The following APC2 variants were observed in gnomAD, a reference collection of about 807,000 sequenced individuals.
The protein encoded by APC2 is APC regulator of Wnt signaling pathway 2.
In APC2, 41 loss-of-function variants were observed where a neutral mutation model predicts 72.5. The observed-to-expected ratio is 0.57, with a 90% CI of 0.44 to 0.73. The LOEUF (loss-of-function observed/expected upper bound fraction) is 0.73, where lower values mean the gene tolerates loss of function less well. APC2 is among the 30% of genes least tolerant of loss of function. APC2 has a pLI of 0.00. For synonymous variants in APC2, 1,898 were observed against 1,612.0 expected, an observed-to-expected ratio of 1.18 and a Z score of -4.25; for missense variants, 3,729 against 3,403.4, an observed-to-expected ratio of 1.10 and a Z score of -2.38.
rs1267833385 is a variant in APC2, at chr19:1,466,262, C to T, written c.2961C>T (p.Asp987=). 1.1e-5 allele frequency: 17 copies of T among 1,526,112 alleles called. No individual in the cohort carries two copies. Among genetic ancestry groups the T allele is most frequent in the Admixed American group, 6.2e-5 (3 of 48,346 alleles). 94.5% of individuals were successfully genotyped at this position (1,526,112 alleles called of 1,614,324 possible). A position where few individuals can be genotyped will look rare whatever the true frequency, so the allele number is the denominator to read the frequency against. Residue 987 remains aspartate, a synonymous_variant, in exon 15 of 15, where the codon GAC becomes GAT. Transcript: ENST00000590469. ...EPPAREATSA[D]ARVRTIKLSP... is the part of the protein sequence containing the mutation. ...CGGCCCGCGAGGCCACCTCCGCCGA[C>T]GCCCGCGTGCGCACCATCAAGCTGT...
At position 1,468,964 on chromosome 19, in the gene APC2, G is replaced by T; in HGVS notation, c.5663G>T (p.Arg1888Ile). 6.4e-7 allele frequency: 1 copy of T among 1,556,726 alleles called. No individual in the cohort carries two copies. ...TCGCCCGCCTCCCAGCCCCTGCCCAGAAAGCGCCCCCCGGTCACCCAGGCT... is the reference window on the plus strand; with the variant it reads ...TCGCCCGCCTCCCAGCCCCTGCCCATAAAGCGCCCCCCGGTCACCCAGGCT... ...QTSPASQPLP[R>I]KRPPVTQAAG... Residue 1888 changes from arginine (R) to isoleucine (I), a missense_variant, in exon 15 of 15, where the codon AGA becomes ATA. Physicochemically the swap from Arg to Ile is moderately conservative, Grantham distance 97. Coordinates refer to ENST00000590469, the MANE Select transcript of APC2 (RefSeq NM_005883.3).
chr19:1,467,673 G>T lies in APC2; in HGVS notation c.4372G>T (p.Ala1458Ser). The T allele has an allele frequency of 6.8e-7, 1 of 1,478,472 alleles. No individual in the cohort carries two copies. Among genetic ancestry groups the T allele is most frequent in the African/African-American group, 1.5e-5 (1 of 68,300 alleles). The allele number at this position is 1,478,472 out of a possible 1,614,324, so 91.6% of individuals were successfully genotyped here. The change falls in exon 15 of 15, where the codon GCG (alanine) becomes TCG (serine). Residue 1458 changes from alanine to serine, a missense_variant. Transcript: ENST00000590469. ...AGRSAEQSRG[A>S]GKNRAGLELP... is the part of the protein sequence containing the mutation. ...CCGCAGCGCGGAGCAGTCTCGGGGC[G>T]CGGGCAAGAACAGAGCAGGGCTGGA...
Position 1,455,218 on chromosome 19 carries a change from C to T in APC2, c.483C>T (p.Gly161=), listed in dbSNP as rs140079855. The part of the protein sequence containing the change: ...EKLWYYSQLQ[G]LSKRLDELPH... ...TCTGGTACTACTCTCAGCTGCAGGG[C>T]CTGTCCAAGCGCCTGGACGAGCTGC... The change falls in exon 5 of 15, where the codon GGC becomes GGT. Residue 161 remains glycine (G), a synonymous_variant. Coordinates refer to ENST00000590469, the MANE Select transcript of APC2 (RefSeq NM_005883.3). 360 of 1,582,950 alleles carry T rather than the reference C, an allele frequency of 2.3e-4. 1 individual carries two copies. The highest frequency in any genetic ancestry group is 1.2e-4 in the Non-Finnish European group (135 of 1,171,336).
chr19:1,454,998 T>G, intron 4 of APC2, 151 bp from the exon 5 acceptor site: 2 of 107,752 alleles, frequency 1.9e-5, no homozygotes, highest in Non-Finnish European at 3.8e-5. Flanking sequence ...CCCCCCCCCC[T>G]TACCCTAGCT....
chr19:1,470,406 G>C lies in APC2; in HGVS notation c.*193G>C. ...CACCGGAAGACCTTGCCTCTGTGCC[G>C]CGGAGGTCCAGGAGGAAACGGGGCG... On this transcript the variant is annotated 3_prime_UTR_variant, in exon 15 of 15. Transcript: ENST00000590469. 1.2e-6 allele frequency: 1 copy of C among 835,676 alleles called. No individual in the cohort carries two copies. The highest frequency in any genetic ancestry group is 1.7e-6 in the Non-Finnish European group (1 of 577,270). The allele number at this position is 835,676 out of a possible 1,614,324, so 51.8% of individuals were successfully genotyped here.
At chr19:1,457,511 G>A in intron 9 of APC2, 1 of 553,222 alleles carries the variant, frequency 1.8e-6, no homozygotes, top group Non-Finnish European at 3.1e-6. Context: ...TGCAGACTTT[G>A]AGATTCTTTT....
intron 5 of APC2, 27 bp from the exon 6 acceptor site, chr19:1,455,357 C>T: frequency 6.2e-7 from 1 of 1,601,444 alleles, no homozygotes; most frequent in Non-Finnish European, 8.5e-7. Flanking sequence ...CGCCCCTCAC[C>T]GTGGCCCGCC....
intron 1 of APC2, 127 bp downstream of exon 1, chr19:1,450,465 G>C (rs2083730281): frequency 2.6e-6 from 2 of 779,202 alleles, no homozygotes; most frequent in African/African-American, 1.9e-5. Context: ...GTGGGAGCTG[G>C]AGGGGAAACT....
rs1226501888 is a variant in APC2, at chr19:1,467,585, C to G, written c.4284C>G (p.Pro1428=). The change falls in exon 15 of 15, where the codon CCC becomes CCG. Residue 1428 remains proline, a synonymous_variant. Transcript: ENST00000590469. The stretch of plus-strand genomic sequence containing the variant: ...GGGGACCAGCGGGCAGGCAAAGACC[C>G]ACCGGCCGCCCCACCTCTGCCAGAC... ...QPGGPAGRQR[P]TGRPTSARQA... is the part of the protein sequence containing the mutation. 6.6e-7 allele frequency: 1 copy of G among 1,513,170 alleles called. No individual in the cohort carries two copies. The highest frequency in any genetic ancestry group is 1.4e-5 in the African/African-American group (1 of 70,130). 93.7% of individuals were successfully genotyped at this position (1,513,170 alleles called of 1,614,324 possible).
At chr19:1,460,989 G>C (rs2083913718) in intron 12 of APC2, 48 bp from the exon 13 acceptor site, 1 of 1,607,266 alleles carries the variant, frequency 6.2e-7, no homozygotes, top group South Asian at 1.1e-5. Context: ...GGGGGGTTTG[G>C]GGGGCCTGGA....
Position 1,468,179 on chromosome 19 carries a change from G to A in APC2, c.4878G>A (p.Glu1626=), listed in dbSNP as rs767452562. Residue 1626 remains glutamate (E), a synonymous_variant, in exon 15 of 15, where the codon GAG becomes GAA. Coordinates refer to ENST00000590469, the MANE Select transcript of APC2 (RefSeq NM_005883.3). ...GCTCGCCCAGCCCGCGGGCCGCGGA[G>A]GAGCTTCTGCAGCGGTGCATCAGCT... ...RDSSPSPRAA[E]ELLQRCISSA... 13 of 1,452,840 alleles carry A rather than the reference G, an allele frequency of 8.9e-6. No individual in the cohort carries two copies. The highest frequency in any genetic ancestry group is 1.1e-5 in the Non-Finnish European group (12 of 1,111,748). 90.0% of individuals were successfully genotyped at this position (1,452,840 alleles called of 1,614,324 possible).
Position 1,468,052 on chromosome 19 carries a change from G to A in APC2, c.4751G>A (p.Ser1584Asn), listed in dbSNP as rs1281019144. 9 of 1,576,398 alleles carry A rather than the reference G, an allele frequency of 5.7e-6. No individual in the cohort carries two copies. Among genetic ancestry groups the A allele is most frequent in the Non-Finnish European group, 7.7e-6 (9 of 1,170,716 alleles). Residue 1584 changes from serine (S) to asparagine (N), a missense_variant, in exon 15 of 15, where the codon AGC becomes AAC. Physicochemically the swap from Ser to Asn is conservative, Grantham distance 46. Coordinates refer to ENST00000590469, the MANE Select transcript of APC2 (RefSeq NM_005883.3). ...PPCYSLSSSA[S>N]SLSEPEPSEP... Reference sequence around the variant, plus strand: ...TGCTACTCCCTGAGCTCCTCCGCCAGCTCCCTCAGCGAGCCCGAGCCCTCG... The same window carrying A: ...TGCTACTCCCTGAGCTCCTCCGCCAACTCCCTCAGCGAGCCCGAGCCCTCG...
At position 1,468,466 on chromosome 19, in the gene APC2, C is replaced by T; in HGVS notation, c.5165C>T (p.Ser1722Phe). ...TCCGACTCCATCCTGTCCTTCGTAT[C>T]CGGGCTGTCAGTGGGATCCACCCTA... ...SESDSILSFV[S>F]GLSVGSTLQP... Residue 1722 changes from serine to phenylalanine, a missense_variant, in exon 15 of 15, where the codon TCC (serine) becomes TTC (phenylalanine). Ser to Phe is a radical substitution (Grantham distance 155). Coordinates refer to ENST00000590469, the MANE Select transcript of APC2 (RefSeq NM_005883.3). 6.2e-7 allele frequency: 1 copy of T among 1,600,712 alleles called. No homozygotes were observed. Among genetic ancestry groups the T allele is most frequent in the Non-Finnish European group, 8.5e-7 (1 of 1,175,262 alleles).
In APC2 at chr19:1,468,164, C is replaced by A. The variant is rs2145250623; in HGVS notation, c.4863C>A (p.Ser1621Arg). ...GPGGGRDSSP[S>R]PRAAEELLQR... ...GAGGCGGACGCGACAGCTCGCCCAGCCCGCGGGCCGCGGAGGAGCTTCTGC... is the reference window on the plus strand; with the variant it reads ...GAGGCGGACGCGACAGCTCGCCCAGACCGCGGGCCGCGGAGGAGCTTCTGC... Residue 1621 changes from serine (S) to arginine (R), a missense_variant, in exon 15 of 15, where the codon AGC (serine) becomes AGA (arginine). Coordinates refer to ENST00000590469, the MANE Select transcript of APC2 (RefSeq NM_005883.3). The A allele has an allele frequency of 1.4e-6, 2 of 1,457,340 alleles. No homozygotes were observed. Among genetic ancestry groups the A allele is most frequent in the African/African-American group, 1.5e-5 (1 of 67,300 alleles). 90.3% of individuals were successfully genotyped at this position (1,457,340 alleles called of 1,614,324 possible).
rs776326309 is a variant in APC2, at chr19:1,467,017, G to T, written c.3716G>T (p.Arg1239Leu). ...CTGCAGTGGGAGAGCTACGTGAAGC[G>T]CTTCCTGGACATCGCCGACTGCCGG... ...FSLQWESYVK[R>L]FLDIADCRER... is the part of the protein sequence containing the mutation. The change falls in exon 15 of 15, where the codon CGC (arginine) becomes CTC (leucine). Residue 1239 changes from arginine to leucine, a missense_variant. Transcript: ENST00000590469. 9 of 1,610,724 alleles carry T rather than the reference G, an allele frequency of 5.6e-6. No individual in the cohort carries two copies. The highest frequency in any genetic ancestry group is 5.9e-6 in the Non-Finnish European group (7 of 1,179,228).
intron 14 of APC2, among the ~76,000 whole-genome samples, chr19:1,462,655 C>CAAAAA (rs34103912): frequency 0.04 from 1,004 of 24,916 alleles, 129 homozygotes; most frequent in African/African-American, 0.11. Flanking sequence ...AACTTCATCT[C>CAAAAA]AAAAAAAAAA....
intron 10 of APC2, among the ~76,000 whole-genome samples, chr19:1,459,171 AG>A (rs1334305751): frequency 1.3e-5 from 2 of 152,126 alleles, no homozygotes; most frequent in Non-Finnish European, 2.9e-5. Flanking sequence ...GACATCCTCA[AG>A]GTGCACCTAC....
rs2083725537 is a variant in APC2, at chr19:1,450,121, G to T, written c.-236G>T. 1.9e-5 allele frequency: 19 copies of T among 984,598 alleles called. No individual in the cohort carries two copies. The highest frequency in any genetic ancestry group is 2.3e-5 in the Non-Finnish European group (19 of 829,280). The allele number at this position is 984,598 out of a possible 1,614,324, so 61.0% of individuals were successfully genotyped here. A position where few individuals can be genotyped will look rare whatever the true frequency, so the allele number is the denominator to read the frequency against. On this transcript the variant is annotated 5_prime_UTR_variant, in exon 1 of 15. Transcript: ENST00000590469. ...CCTCATCCCGCATCCTCCCCCGCTCGCGGTGGTCTCGCCCAGCGCTAGGAG... is the reference window on the plus strand; with the variant it reads ...CCTCATCCCGCATCCTCCCCCGCTCTCGGTGGTCTCGCCCAGCGCTAGGAG...
chr19:1,460,722 G>A, intron 11 of APC2, 58 bp from the exon 12 acceptor site: 1 of 1,545,990 alleles, frequency 6.5e-7, no homozygotes, highest in Non-Finnish European at 8.9e-7. Flanking sequence ...TGGGAGGTGA[G>A]GGGCACAGTC....
Sources: gnomAD v4.1 joint callset for allele counts (sites outside exome capture counted in the v4.1 genomes callset) on GRCh38, gnomAD v4.1.1 for gene constraint, MANE v1.5 for transcripts, NCBI Gene and HGNC (gene_info 2026-07-23, HGNC 2026-07-21) for gene names.